Variants in ASCC3 observed in about 807,000 individuals in gnomAD.
ASCC3 encodes the protein activating signal cointegrator 1 complex subunit 3, also known as ASC-1 complex subunit P200.
In ASCC3, 158 loss-of-function variants were observed where a neutral mutation model predicts 256.3. That is an observed-to-expected ratio of 0.62 (90% CI 0.54 to 0.70). The LOEUF (loss-of-function observed/expected upper bound fraction) is 0.70, where lower values mean the gene tolerates loss of function less well. Ranked by LOEUF, ASCC3 falls within the 30% of genes least tolerant of loss-of-function variation. The pLI, the probability that ASCC3 is intolerant of heterozygous loss-of-function variation, is 0.00. For missense variants in ASCC3, 2,259 were observed against 2,626.0 expected (o/e 0.86, Z 3.05); for synonymous variants, 948 against 883.4 (o/e 1.07, Z -1.30).
intron 8 of ASCC3, among the ~76,000 whole-genome samples, chr6:100,784,672 T>A (rs796215623): frequency 1.4e-4 from 21 of 152,186 alleles, no homozygotes; most frequent in African/African-American, 5.1e-4. Context: ...GAAAGATATA[T>A]ATCAAAGAAT....
intron 11 of ASCC3, among the ~76,000 whole-genome samples, chr6:100,718,727 A>C (rs1308560808): frequency 6.6e-6 from 1 of 152,088 alleles, no homozygotes; most frequent in East Asian, 1.9e-4. Flanking sequence ...GACAGAGTAA[A>C]ACTCTGTTTC....
chr6:100,701,136 T>C (rs1315227165), intron 13 of ASCC3, among the ~76,000 whole-genome samples: 2 of 152,206 alleles, frequency 1.3e-5, no homozygotes, highest in Non-Finnish European at 2.9e-5. Flanking sequence ...AATAATCTAA[T>C]GCATTCAACT....
At chr6:100,691,599 A>T (rs1414642456) in intron 13 of ASCC3, among the ~76,000 whole-genome samples, 1 of 152,156 alleles carries the variant, frequency 6.6e-6, no homozygotes, top group African/African-American at 2.4e-5. Context: ...AACATAGACT[A>T]TGTTATAATT....
At chr6:100,698,936 ACTGT>A (rs939329850) in intron 13 of ASCC3, among the ~76,000 whole-genome samples, 2 of 152,144 alleles carry the variant, frequency 1.3e-5, no homozygotes, top group Non-Finnish European at 2.9e-5. Context: ...TTCATCAAAC[ACTGT>A]CTGAGCACCA....
At chr6:100,645,197 C>T (rs1775319149) in intron 22 of ASCC3, among the ~76,000 whole-genome samples, 1 of 151,890 alleles carries the variant, frequency 6.6e-6, no homozygotes, top group Non-Finnish European at 1.5e-5. Context: ...GTAAGAAATA[C>T]AAAACTTCCA....
In ASCC3 at chr6:100,798,701, G is replaced by A. The variant is rs769199026; in HGVS notation, c.1395+12C>T. On this transcript the variant is annotated intron_variant, in intron 8 of 41. Coordinates refer to ENST00000369162, the MANE Select transcript of ASCC3 (RefSeq NM_006828.4). ...CCTCAAAACTATCAACTCTATAAAAGGCTCATCTCACCTCATCTAAGTCTT... is the reference window on the plus strand; with the variant it reads ...CCTCAAAACTATCAACTCTATAAAAAGCTCATCTCACCTCATCTAAGTCTT... 1.2e-5 allele frequency: 19 copies of A among 1,611,708 alleles called. No homozygotes were observed. In the Middle Eastern group the frequency reaches 5.0e-4, roughly 42 times the overall value.
chr6:100,846,667 T>C (rs536806849), intron 4 of ASCC3, among the ~76,000 whole-genome samples: 8 of 152,284 alleles, frequency 5.3e-5, no homozygotes, highest in South Asian at 2.1e-4. Context: ...CTGAAAACAG[T>C]GTTCAAGCCT....
intron 3 of ASCC3, among the ~76,000 whole-genome samples, chr6:100,853,420 CTTTTTTTT>C (rs11299576): frequency 2.3e-5 from 3 of 127,668 alleles, no homozygotes; most frequent in African/African-American, 8.7e-5. Context: ...ATAAATATTC[CTTTTTTTT>C]TTTTTTTTTT....
chr6:100,525,489 G>A (rs189555693), intron 37 of ASCC3, among the ~76,000 whole-genome samples: 191 of 152,120 alleles, frequency 1.3e-3, no homozygotes, highest in African/African-American at 4.5e-3. Context: ...TATCTACAAT[G>A]AGACTCCAGA....
At chr6:100,787,634 A>T (rs527970733) in intron 8 of ASCC3, among the ~76,000 whole-genome samples, 205 of 152,248 alleles carry the variant, frequency 1.3e-3, no homozygotes, top group Non-Finnish European at 2.4e-3. Context: ...CAAAGAATAG[A>T]CATGCAGGGA....
chr6:100,798,553 T>C (rs1769746633), intron 8 of ASCC3, among the ~76,000 whole-genome samples, 160 bp downstream of exon 8: 1 of 152,104 alleles, frequency 6.6e-6, no homozygotes, highest in Non-Finnish European at 1.5e-5. Context: ...AGTGTATATA[T>C]TTTTTAAACT....
At chr6:100,790,032 TGC>T (rs1326285605) in intron 8 of ASCC3, among the ~76,000 whole-genome samples, 3 of 151,904 alleles carry the variant, frequency 2.0e-5, no homozygotes, top group Non-Finnish European at 4.4e-5. Context: ...TGACGTGATG[TGC>T]CAGGATTTAT....
At chr6:100,595,438 C>G (rs1027065119) in intron 34 of ASCC3, among the ~76,000 whole-genome samples, 2 of 152,018 alleles carry the variant, frequency 1.3e-5, no homozygotes, top group African/African-American at 4.8e-5. Context: ...TTGACTATAG[C>G]TAAGTAAAAT....
chr6:100,811,264 C>T (rs1770454966), intron 4 of ASCC3, among the ~76,000 whole-genome samples: 2 of 152,120 alleles, frequency 1.3e-5, no homozygotes, highest in South Asian at 4.2e-4. Context: ...TAAATGTTAA[C>T]ATTAAAGTGC....
intron 4 of ASCC3, among the ~76,000 whole-genome samples, chr6:100,834,771 A>G (rs1422478001): frequency 2.6e-5 from 4 of 152,198 alleles, no homozygotes; most frequent in African/African-American, 9.6e-5. Context: ...TTAGCAATAG[A>G]AAGTCTGAAT....
At chr6:100,679,578 C>T in intron 14 of ASCC3, 40 bp downstream of exon 14, 1 of 1,611,992 alleles carries the variant, frequency 6.2e-7, no homozygotes, top group Non-Finnish European at 8.5e-7. Context: ...GGATATGTGG[C>T]ATGTTACATG....
intron 36 of ASCC3, among the ~76,000 whole-genome samples, chr6:100,578,489 G>C (rs1446443790): frequency 6.6e-6 from 1 of 151,962 alleles, no homozygotes; most frequent in Non-Finnish European, 1.5e-5. Context: ...TCAATGTTTA[G>C]CTCCCATTTA....
chr6:100,715,160 T>G, intron 13 of ASCC3: 1 of 202,664 alleles, frequency 4.9e-6, no homozygotes, highest in Admixed American at 5.5e-5. Flanking sequence ...ATACAGAACT[T>G]TATTATATAT....
chr6:100,533,952 AC>A (rs1775038676), intron 37 of ASCC3, among the ~76,000 whole-genome samples: 1 of 152,218 alleles, frequency 6.6e-6, no homozygotes, highest in South Asian at 2.1e-4. Flanking sequence ...GAGCTATTTA[AC>A]TTCTCTGAAA....
Sources: allele counts gnomAD v4.1 joint callset (sites outside exome capture counted in the v4.1 genomes callset), GRCh38; gene constraint gnomAD v4.1.1; transcripts MANE v1.5; gene names NCBI Gene and HGNC (gene_info 2026-07-23, HGNC 2026-07-21).